The following NCKAP5 variants were observed in gnomAD, a reference collection of about 807,000 sequenced individuals.
NCKAP5 encodes nck-associated protein 5.
NCKAP5 carries 92 observed loss-of-function variants against 167.0 expected under a neutral mutation model. The observed-to-expected ratio is 0.55, with a 90% CI of 0.47 to 0.66. NCKAP5 has a LOEUF of 0.66. Among genes scored for constraint, NCKAP5 ranks in the 30% least tolerant of loss-of-function variants. The pLI, the probability that NCKAP5 is intolerant of heterozygous loss-of-function variation, is 0.00. For missense variants in NCKAP5, 2,378 were observed against 2,315.0 expected (o/e 1.03, Z -0.56); for synonymous variants, 891 against 877.4 (o/e 1.02, Z -0.27).
chr2:132,741,169 C>T (rs567526722), intron 16 of NCKAP5, among the ~76,000 whole-genome samples: 3 of 152,104 alleles, frequency 2.0e-5, no homozygotes, highest in Admixed American at 2.0e-4. Context: ...GTCACTAATA[C>T]TGAAATGGCC....
At chr2:133,220,807 C>T (rs2086628680) in intron 4 of NCKAP5, among the ~76,000 whole-genome samples, 1 of 152,142 alleles carries the variant, frequency 6.6e-6, no homozygotes, top group South Asian at 2.1e-4. Context: ...TGTCCCAGGG[C>T]ATGCCTGTTG....
At chr2:133,074,536 A>AT (rs2080531406) in intron 6 of NCKAP5, among the ~76,000 whole-genome samples, 1 of 151,916 alleles carries the variant, frequency 6.6e-6, no homozygotes, top group Admixed American at 6.6e-5. Flanking sequence ...GTTTTTTCAT[A>AT]TTTTTTGTAG....
intron 19 of NCKAP5, among the ~76,000 whole-genome samples, chr2:132,698,508 A>G (rs1399940905): frequency 6.6e-6 from 1 of 152,110 alleles, no homozygotes; most frequent in Non-Finnish European, 1.5e-5. Flanking sequence ...TCTTAAGACT[A>G]GCACCACCAG....
chr2:133,344,387 G>A (rs1401029605), intron 3 of NCKAP5, among the ~76,000 whole-genome samples: 6 of 137,502 alleles, frequency 4.4e-5, no homozygotes, highest in South Asian at 4.5e-4. Context: ...CAGCCTGGGC[G>A]ACAAAGTGAA....
intron 3 of NCKAP5, among the ~76,000 whole-genome samples, chr2:133,363,897 T>C (rs1685284038): frequency 6.6e-6 from 1 of 152,222 alleles, no homozygotes. Context: ...TGTAACATTA[T>C]TTACATTTTG....
chr2:132,956,466 A>G (rs916297711), intron 8 of NCKAP5, among the ~76,000 whole-genome samples: 6 of 152,058 alleles, frequency 3.9e-5, no homozygotes, highest in African/African-American at 1.2e-4. Context: ...AAAAAGCTCT[A>G]TTTCTTCTGT....
intron 4 of NCKAP5, among the ~76,000 whole-genome samples, chr2:133,240,814 C>T (rs1426501119): frequency 6.6e-6 from 1 of 152,154 alleles, no homozygotes; most frequent in Non-Finnish European, 1.5e-5. Context: ...ATGTGATTTA[C>T]AAAGCACTCA....
rs1679286830 is a variant in NCKAP5 at position 133,288,052 on chromosome 2, T to G, written c.143+14985A>C. Among the ~76,000 whole-genome samples, 3 of 152,146 alleles carry G rather than the reference T, an allele frequency of 2.0e-5. No individual in the cohort carries two copies. In the South Asian group the frequency reaches 6.2e-4, roughly 32 times the overall value. The stretch of plus-strand genomic sequence containing the variant: ...GTTTGCAAACTAATCCCTGATGAGA[T>G]ATTATGAGGAGCTAAGAGAGTGATG... On this transcript the variant is annotated intron_variant, in intron 4 of 19. Coordinates refer to ENST00000409261, the MANE Select transcript of NCKAP5 (RefSeq NM_207363.3).
At chr2:133,524,320 C>T (rs1476993121) in intron 2 of NCKAP5, among the ~76,000 whole-genome samples, 1 of 152,108 alleles carries the variant, frequency 6.6e-6, no homozygotes, top group African/African-American at 2.4e-5. Context: ...ATCTGCAAAC[C>T]CTGACCCCAA....
chr2:133,467,430 T>A (rs1425955088), intron 3 of NCKAP5, among the ~76,000 whole-genome samples: 1 of 152,198 alleles, frequency 6.6e-6, no homozygotes, highest in Non-Finnish European at 1.5e-5. Flanking sequence ...TATTGAGGAT[T>A]TTTGCATCAA....
intron 4 of NCKAP5, among the ~76,000 whole-genome samples, chr2:133,241,182 T>C (rs2150298309): frequency 6.6e-6 from 1 of 152,346 alleles, no homozygotes; most frequent in Middle Eastern, 3.4e-3. Context: ...AAACAACTAT[T>C]GATATTTTCT....
intron 8 of NCKAP5, among the ~76,000 whole-genome samples, chr2:132,940,462 A>G (rs992079937): frequency 1.3e-5 from 2 of 152,220 alleles, no homozygotes; most frequent in African/African-American, 2.4e-5. Flanking sequence ...AAATAGAAAG[A>G]CATGGGGTTA....
chr2:132,934,287 T>C (rs902851482), intron 8 of NCKAP5, among the ~76,000 whole-genome samples: 19 of 152,150 alleles, frequency 1.2e-4, no homozygotes, highest in African/African-American at 4.3e-4. Context: ...ACAATCACTA[T>C]ATGGAAAAAT....
chr2:133,472,225 T>C (rs1216837486), intron 3 of NCKAP5, among the ~76,000 whole-genome samples: 1 of 152,180 alleles, frequency 6.6e-6, no homozygotes, highest in Non-Finnish European at 1.5e-5. Flanking sequence ...ATTTTCCATA[T>C]GTGAGAAAAA....
At chr2:133,366,581 C>T (rs906380367) in intron 3 of NCKAP5, among the ~76,000 whole-genome samples, 4 of 152,018 alleles carry the variant, frequency 2.6e-5, no homozygotes, top group Admixed American at 6.6e-5. Flanking sequence ...GGATTACAGG[C>T]GTGAGTTACT....
At position 132,694,568 on chromosome 2, in the gene NCKAP5, C is replaced by T. The variant is rs920134610; in HGVS notation, c.5714-21263G>A. On this transcript the variant is annotated intron_variant, in intron 19 of 19. Coordinates refer to ENST00000409261, the MANE Select transcript of NCKAP5 (RefSeq NM_207363.3). ...CTGGAATTAGGCCCAGGATTCGATT[C>T]CCAGTTAGAATTTCTCCCCACAATA... Among the ~76,000 whole-genome samples, 4 of 152,156 alleles carry T rather than the reference C, an allele frequency of 2.6e-5. No individual in the cohort carries two copies. The East Asian group carries it at 5.8e-4, about 22-fold the overall frequency.
At chr2:133,383,843 G>C (rs535180841) in intron 3 of NCKAP5, among the ~76,000 whole-genome samples, 1 of 152,120 alleles carries the variant, frequency 6.6e-6, no homozygotes, top group Non-Finnish European at 1.5e-5. Context: ...TCATGTGTCT[G>C]TTGGCTGCAT....
chr2:132,726,845 C>T (rs562235505), intron 18 of NCKAP5, among the ~76,000 whole-genome samples: 1 of 152,232 alleles, frequency 6.6e-6, no homozygotes, highest in East Asian at 1.9e-4. Flanking sequence ...CTGGAGATAC[C>T]AGTAGTCTAG....
At chr2:133,027,220 C>G (rs1041467935) in intron 6 of NCKAP5, among the ~76,000 whole-genome samples, 1 of 152,168 alleles carries the variant, frequency 6.6e-6, no homozygotes, top group African/African-American at 2.4e-5. Flanking sequence ...CTAACGCAGA[C>G]AGGTCAGTTC....
Sources: gnomAD v4.1 joint callset for allele counts (sites outside exome capture counted in the v4.1 genomes callset) on GRCh38, gnomAD v4.1.1 for gene constraint, MANE v1.5 for transcripts, NCBI Gene and HGNC (gene_info 2026-07-23, HGNC 2026-07-21) for gene names.